ARHGAP28: variants seen among roughly 807,000 people sequenced by gnomAD.
The protein encoded by ARHGAP28 is rho GTPase-activating protein 28.
ARHGAP28 carries 56 observed loss-of-function variants against 90.7 expected under a neutral mutation model. The ratio of observed to expected loss-of-function variants is 0.62; its 90% CI spans 0.50 to 0.77. The LOEUF is 0.77. Ranked by LOEUF, ARHGAP28 falls within the 30% of genes least tolerant of loss-of-function variation. ARHGAP28 has a pLI of 0.00. For missense variants in ARHGAP28, 869 were observed against 900.9 expected, an observed-to-expected ratio of 0.96 and a Z score of 0.45; for synonymous variants, 308 against 323.3, an observed-to-expected ratio of 0.95 and a Z score of 0.51.
chr18:6,742,376 G>C (rs2143189355), intron 1 of ARHGAP28, among the ~76,000 whole-genome samples: 1 of 152,010 alleles, frequency 6.6e-6, no homozygotes, highest in African/African-American at 2.4e-5. Context: ...CATCATGTTG[G>C]CCAGGCTGGC....
At chr18:6,875,630 T>G (rs1455658423) in intron 9 of ARHGAP28, among the ~76,000 whole-genome samples, 2 of 152,132 alleles carry the variant, frequency 1.3e-5, no homozygotes, top group East Asian at 1.9e-4. Flanking sequence ...AATGGTAGTG[T>G]TTATTACTTT....
intron 1 of ARHGAP28, among the ~76,000 whole-genome samples, chr18:6,770,945 G>A (rs950332905): frequency 2.6e-5 from 4 of 152,090 alleles, no homozygotes; most frequent in African/African-American, 9.7e-5. Context: ...GTAACCTTCA[G>A]GTTCAATAAT....
At chr18:6,870,761 G>T in intron 7 of ARHGAP28, 29 bp downstream of exon 7, 1 of 1,572,456 alleles carries the variant, frequency 6.4e-7, no homozygotes, top group South Asian at 1.2e-5. Context: ...GATTATTCCA[G>T]GAACTTCCTG....
At chr18:6,798,603 A>C (rs2056459571) in intron 1 of ARHGAP28, among the ~76,000 whole-genome samples, 1 of 152,200 alleles carries the variant, frequency 6.6e-6, no homozygotes, top group Non-Finnish European at 1.5e-5. Flanking sequence ...GGAATGGAAA[A>C]CCAAATACTG....
intron 2 of ARHGAP28, among the ~76,000 whole-genome samples, chr18:6,832,678 G>A (rs1368918301): frequency 1.3e-5 from 2 of 151,956 alleles, no homozygotes; most frequent in Non-Finnish European, 2.9e-5. Flanking sequence ...AATATTCCCT[G>A]TCTTGAAGTC....
intron 16 of ARHGAP28, among the ~76,000 whole-genome samples, chr18:6,903,004 A>G (rs1241544920): frequency 9.2e-5 from 14 of 152,226 alleles, no homozygotes; most frequent in African/African-American, 2.4e-5. Context: ...AAATTCTGAC[A>G]TATGCTACAA....
chr18:6,876,760 A>G (rs1567979195), intron 10 of ARHGAP28, among the ~76,000 whole-genome samples: 1 of 152,228 alleles, frequency 6.6e-6, no homozygotes, highest in African/African-American at 2.4e-5. Context: ...TCCAAAACCC[A>G]GTTCCACTTA....
Position 6,912,097 on chromosome 18 carries a change from T to A in ARHGAP28, c.2133T>A (p.Asp711Glu), listed in dbSNP as rs1321036747. Residue 711 changes from aspartate to glutamate, a missense_variant, in exon 18 of 18, where the codon GAT becomes GAA. Asp to Glu is a conservative substitution (Grantham distance 45). Coordinates refer to ENST00000383472, the MANE Select transcript of ARHGAP28 (RefSeq NM_001366230.1). The stretch of plus-strand genomic sequence containing the variant: ...TGGATCCAGATGCTTATATATTGGA[T>A]GTATATCGTATAAATCCTCAAGCAG... ...HCLDPDAYILDVYRINPQAEW... is the reference protein window; with the variant it reads ...HCLDPDAYILEVYRINPQAEW... 6.2e-6 allele frequency: 10 copies of A among 1,609,196 alleles called. No individual in the cohort carries two copies. The highest frequency in any genetic ancestry group is 8.5e-6 in the Non-Finnish European group (10 of 1,177,006).
At chr18:6,746,735 C>T (rs1279872035) in intron 1 of ARHGAP28, among the ~76,000 whole-genome samples, 1 of 152,134 alleles carries the variant, frequency 6.6e-6, no homozygotes, top group African/African-American at 2.4e-5. Flanking sequence ...AGTCACATTA[C>T]TTCAAATATA....
chr18:6,802,335 C>CTTTTTTTTTTTTTT (rs35950139), intron 1 of ARHGAP28, among the ~76,000 whole-genome samples: 1 of 52,762 alleles, frequency 1.9e-5, no homozygotes, highest in Non-Finnish European at 3.6e-5. Context: ...TATGGTAGTT[C>CTTTTTTTTTTTTTT]TTTTTTTTTT....
intron 1 of ARHGAP28, among the ~76,000 whole-genome samples, chr18:6,812,065 T>C (rs760232982): frequency 1.3e-5 from 2 of 152,182 alleles, no homozygotes; most frequent in African/African-American, 2.4e-5. Context: ...CTTGCTCCAA[T>C]AGCCAAACCA....
chr18:6,785,626 A>G (rs2056359162), intron 1 of ARHGAP28, among the ~76,000 whole-genome samples: 1 of 152,162 alleles, frequency 6.6e-6, no homozygotes, highest in African/African-American at 2.4e-5. Flanking sequence ...GTATGTTGTA[A>G]CCCTTATTGT....
intron 1 of ARHGAP28, among the ~76,000 whole-genome samples, chr18:6,785,323 C>G (rs1003775675): frequency 3.9e-5 from 6 of 152,164 alleles, no homozygotes; most frequent in Non-Finnish European, 7.3e-5. Context: ...ATTGATTTAA[C>G]TGTTCATTCA....
chr18:6,783,811 C>A (rs2056345959), intron 1 of ARHGAP28, among the ~76,000 whole-genome samples: 1 of 152,098 alleles, frequency 6.6e-6, no homozygotes, highest in African/African-American at 2.4e-5. Flanking sequence ...TTCCCCTTTC[C>A]CATCCCTAGG....
chr18:6,869,570 T>C (rs943287559), intron 6 of ARHGAP28, among the ~76,000 whole-genome samples: 41 of 152,166 alleles, frequency 2.7e-4, no homozygotes, highest in Admixed American at 2.7e-3. Context: ...GTCCCTTTGC[T>C]ATTTTCTAAG....
intron 4 of ARHGAP28, among the ~76,000 whole-genome samples, chr18:6,854,187 T>TTC (rs919186097): frequency 6.6e-6 from 1 of 151,368 alleles, no homozygotes. Flanking sequence ...ATAGTAGAAT[T>TTC]TCTCTCTCTC....
intron 14 of ARHGAP28, among the ~76,000 whole-genome samples, chr18:6,891,498 G>A (rs1257535329): frequency 6.6e-6 from 1 of 152,070 alleles, no homozygotes; most frequent in Non-Finnish European, 1.5e-5. Flanking sequence ...TGGCCAGGCT[G>A]ATCTTGAACT....
In ARHGAP28 at chr18:6,770,142, G is replaced by A. The variant is rs759308249; in HGVS notation, c.122+40199G>A. ...CATAAGCAGTAATTGCAGGCTTTGG[G>A]ATAATGTGTTCTATGATATTTGTTC... On this transcript the variant is annotated intron_variant, in intron 1 of 17. Transcript: ENST00000383472. Among the ~76,000 whole-genome samples the A allele has an allele frequency of 5.3e-5, 8 of 152,298 alleles. No homozygotes were observed. The South Asian group carries it at 1.2e-3, about 24-fold the overall frequency.
intron 1 of ARHGAP28, among the ~76,000 whole-genome samples, chr18:6,771,496 C>T (rs1369661328): frequency 6.6e-6 from 1 of 152,102 alleles, no homozygotes; most frequent in Non-Finnish European, 1.5e-5. Flanking sequence ...CAAGAGCGTT[C>T]CTTAGAAGTG....
Sources: allele counts gnomAD v4.1 joint callset (sites outside exome capture counted in the v4.1 genomes callset), GRCh38; gene constraint gnomAD v4.1.1; transcripts MANE v1.5; gene names NCBI Gene and HGNC (gene_info 2026-07-23, HGNC 2026-07-21).